The following PRELID2 variants were observed in gnomAD, a reference collection of about 807,000 sequenced individuals.
PRELID2 encodes PRELI domain containing 2.
PRELID2 carries 25 observed loss-of-function variants against 28.4 expected under a neutral mutation model. The ratio of observed to expected loss-of-function variants is 0.88; its 90% CI spans 0.64 to 1.23. The LOEUF is 1.23. PRELID2 is among the 50% of genes most tolerant of loss of function. The pLI is 0.00. For missense variants in PRELID2, 201 were observed against 214.4 expected (o/e 0.94, Z 0.39); for synonymous variants, 76 against 71.6 (o/e 1.06, Z -0.31).
chr5:145,500,881 C>T (rs1233950926), intron 1 of PRELID2, among the ~76,000 whole-genome samples: 1 of 152,156 alleles, frequency 6.6e-6, no homozygotes, highest in African/African-American at 2.4e-5. Context: ...AACATTCCCT[C>T]TTGTCCTTGG....
At chr5:145,495,190 C>T (rs1752299782) in intron 1 of PRELID2, among the ~76,000 whole-genome samples, 1 of 152,136 alleles carries the variant, frequency 6.6e-6, no homozygotes. Flanking sequence ...ACTAACCTGG[C>T]CTCTCTGTAC....
chr5:145,540,002 T>C (rs1355604039), intron 1 of PRELID2, among the ~76,000 whole-genome samples: 1 of 151,846 alleles, frequency 6.6e-6, no homozygotes, highest in Non-Finnish European at 1.5e-5. Flanking sequence ...ATACAACTAA[T>C]ATGTAAAAAT....
At chr5:145,741,251 A>G (rs1756718481) in intron 1 of PRELID2, among the ~76,000 whole-genome samples, 1 of 112,758 alleles carries the variant, frequency 8.9e-6, no homozygotes, top group Non-Finnish European at 1.6e-5. Flanking sequence ...AATATATAAT[A>G]TATAAATAAT....
the PRELID2 span, among the ~76,000 whole-genome samples, chr5:145,331,746 A>G: frequency 2.0e-5 from 3 of 152,066 alleles, no homozygotes; most frequent in Non-Finnish European, 4.4e-5. Flanking sequence ...GTGTCTTTCA[A>G]TTGGGGCATT....
chr5:145,431,395 G>T, the PRELID2 span, among the ~76,000 whole-genome samples: 1 of 152,044 alleles, frequency 6.6e-6, no homozygotes, highest in Non-Finnish European at 1.5e-5. Flanking sequence ...CGGATAAACT[G>T]AAAGTTTGAT....
the PRELID2 span, chr5:145,230,016 G>A: frequency 1.4e-6 from 1 of 721,222 alleles, no homozygotes; most frequent in Non-Finnish European, 2.6e-6. Flanking sequence ...CAGACTGAAG[G>A]AATACCATTG....
intron 1 of PRELID2, among the ~76,000 whole-genome samples, chr5:145,686,152 A>G (rs543257255): frequency 5.8e-4 from 89 of 152,190 alleles, no homozygotes; most frequent in Middle Eastern, 6.8e-3. Flanking sequence ...CTCCCTCCTA[A>G]GTCTGTTACA....
At chr5:145,319,596 G>A in the PRELID2 span, among the ~76,000 whole-genome samples, 5 of 152,128 alleles carry the variant, frequency 3.3e-5, no homozygotes, top group South Asian at 2.1e-4. Flanking sequence ...CCTTGAACCC[G>A]TGAGGCAGAG....
the PRELID2 span, among the ~76,000 whole-genome samples, chr5:145,430,315 G>A: frequency 6.6e-6 from 1 of 152,128 alleles, no homozygotes. Context: ...AAACTATGCT[G>A]CTGTAACAAA....
At chr5:145,326,660 A>G in the PRELID2 span, among the ~76,000 whole-genome samples, 1 of 152,160 alleles carries the variant, frequency 6.6e-6, no homozygotes, top group Non-Finnish European at 1.5e-5. Context: ...AGTGGTATCA[A>G]AATTAATTAA....
Position 145,578,668 on chromosome 5 carries a change from C to T in PRELID2, n.71-105353G>A, listed in dbSNP as rs78737695. 5.5e-3 allele frequency among the ~76,000 whole-genome samples: 836 copies of T among 152,132 alleles called. 16 individuals carry two copies. Among genetic ancestry groups the T allele is most frequent in the African/African-American group, 0.019 (774 of 41,530 alleles). Reference sequence around the variant, plus strand: ...CTTTCACTATACTTTTTATTGCTGACGTTCTAATGCTTCATACTAATAGAT... The same window carrying T: ...CTTTCACTATACTTTTTATTGCTGATGTTCTAATGCTTCATACTAATAGAT... On this transcript the variant is annotated intron_variant and non_coding_transcript_variant, in intron 1 of 2. Coordinates refer to the PRELID2 transcript ENST00000510259.
At chr5:145,819,297 C>A in intron 3 of PRELID2, 1 of 914,118 alleles carries the variant, frequency 1.1e-6, no homozygotes, top group South Asian at 1.3e-5. Context: ...ATGCTTTCCT[C>A]TGACTTCCTC....
intron 1 of PRELID2, among the ~76,000 whole-genome samples, chr5:145,697,986 C>CAA (rs200419262): frequency 0.088 from 13,190 of 149,684 alleles, 831 homozygotes; most frequent in Admixed American, 0.19. Context: ...TAATGTCCCT[C>CAA]AAAAAAAATA....
At chr5:145,351,152 C>T in the PRELID2 span, among the ~76,000 whole-genome samples, 1 of 152,156 alleles carries the variant, frequency 6.6e-6, no homozygotes, top group Non-Finnish European at 1.5e-5. Flanking sequence ...GGGATTCAAA[C>T]TCTGGTCTGT....
intron 1 of PRELID2, among the ~76,000 whole-genome samples, chr5:145,630,684 C>T (rs78906847): frequency 0.02 from 3,064 of 152,252 alleles, 114 homozygotes; most frequent in African/African-American, 0.07. Flanking sequence ...AGGTACTATT[C>T]ACCCAAAGAA....
the PRELID2 span, among the ~76,000 whole-genome samples, chr5:145,454,098 C>T: frequency 5.9e-5 from 9 of 152,040 alleles, no homozygotes; most frequent in Non-Finnish European, 1.2e-4. Flanking sequence ...AAAAGTGTTC[C>T]TATTTCTCCA....
At chr5:145,307,471 A>G in the PRELID2 span, among the ~76,000 whole-genome samples, 1 of 152,156 alleles carries the variant, frequency 6.6e-6, no homozygotes, top group Admixed American at 6.5e-5. Flanking sequence ...ATACCACATC[A>G]CCCTCAACAT....
the PRELID2 span, among the ~76,000 whole-genome samples, chr5:145,421,413 C>T: frequency 6.7e-6 from 1 of 150,342 alleles, no homozygotes; most frequent in African/African-American, 2.4e-5. Context: ...ATTTCAGAGC[C>T]TGTTATTGGT....
intron 1 of PRELID2, among the ~76,000 whole-genome samples, chr5:145,598,784 T>C (rs1753347395): frequency 6.6e-6 from 1 of 152,106 alleles, no homozygotes; most frequent in Non-Finnish European, 1.5e-5. Flanking sequence ...AAGAAGAATA[T>C]ATATCACAAT....
Sources: gnomAD v4.1 joint callset for allele counts (sites outside exome capture counted in the v4.1 genomes callset) on GRCh38, gnomAD v4.1.1 for gene constraint, MANE v1.5 for transcripts, NCBI Gene and HGNC (gene_info 2026-07-23, HGNC 2026-07-21) for gene names.